The following PDZD2 variants were observed in gnomAD, a reference collection of about 807,000 sequenced individuals.
PDZD2 encodes the protein PDZ domain-containing protein 2.
Under a neutral mutation model 220.7 loss-of-function variants are expected in PDZD2, and 90 were observed. The ratio of observed to expected loss-of-function variants is 0.41; its 90% CI spans 0.34 to 0.49. The LOEUF (loss-of-function observed/expected upper bound fraction) is 0.49, where lower values mean the gene tolerates loss of function less well. Ranked by LOEUF, PDZD2 falls within the 20% of genes least tolerant of loss-of-function variation. The pLI is 0.28. For missense variants in PDZD2, 3,174 were observed against 3,608.5 expected, an observed-to-expected ratio of 0.88 and a Z score of 3.08; for synonymous variants, 1,375 against 1,450.5, an observed-to-expected ratio of 0.95 and a Z score of 1.18.
At chr5:31,993,828 G>C (rs1313836016) in intron 3 of PDZD2, among the ~76,000 whole-genome samples, 1 of 152,136 alleles carries the variant, frequency 6.6e-6, no homozygotes, top group South Asian at 2.1e-4. Context: ...AATCACTTTG[G>C]AAAGTTTTGC....
intron 1 of PDZD2, among the ~76,000 whole-genome samples, chr5:31,764,697 G>A (rs1019545900): frequency 4.6e-5 from 7 of 152,104 alleles, no homozygotes; most frequent in African/African-American, 9.7e-5. Flanking sequence ...TCCTCTTCCC[G>A]TTTTTCATCA....
intron 7 of PDZD2, among the ~76,000 whole-genome samples, chr5:32,043,124 G>A (rs2112262476): frequency 6.6e-6 from 1 of 152,280 alleles, no homozygotes; most frequent in South Asian, 2.1e-4. Context: ...CTCCGATCTG[G>A]GGCTTTATCA....
intron 2 of PDZD2, among the ~76,000 whole-genome samples, chr5:31,969,901 ATTTAT>A (rs1386617925): frequency 6.6e-6 from 1 of 151,674 alleles, no homozygotes; most frequent in East Asian, 1.9e-4. Flanking sequence ...TTATTTATTT[ATTTAT>A]TTATTTTTTG....
intron 19 of PDZD2, among the ~76,000 whole-genome samples, chr5:32,084,039 C>G (rs1260102645): frequency 1.3e-5 from 2 of 152,200 alleles, no homozygotes; most frequent in Non-Finnish European, 2.9e-5. Context: ...CTACTCCCCA[C>G]CACCACCCGC....
intron 1 of PDZD2, among the ~76,000 whole-genome samples, chr5:31,768,520 T>C (rs1461543369): frequency 6.6e-6 from 1 of 151,906 alleles, no homozygotes; most frequent in Non-Finnish European, 1.5e-5. Flanking sequence ...CACGTACCTG[T>C]AGTCCCAGCT....
At chr5:31,725,733 G>T in intron 1 of PDZD2, 3 of 893,932 alleles carry the variant, frequency 3.4e-6, no homozygotes, top group Non-Finnish European at 5.6e-6. Flanking sequence ...GGCCTGCAAC[G>T]TGATTTAGCC....
chr5:31,771,308 C>T (rs970825558), intron 1 of PDZD2, among the ~76,000 whole-genome samples: 1 of 152,146 alleles, frequency 6.6e-6, no homozygotes, highest in African/African-American at 2.4e-5. Context: ...TTATCTTGTG[C>T]ATGCTACCTG....
intron 2 of PDZD2, among the ~76,000 whole-genome samples, chr5:31,951,964 C>G (rs948847760): frequency 6.6e-6 from 1 of 152,156 alleles, no homozygotes; most frequent in African/African-American, 2.4e-5. Context: ...AGATTTTTGT[C>G]TATTTTGAAT....
chr5:31,918,527 A>T (rs1187800565), intron 2 of PDZD2, among the ~76,000 whole-genome samples: 1 of 152,208 alleles, frequency 6.6e-6, no homozygotes, highest in East Asian at 1.9e-4. Context: ...AGAAAAAGAC[A>T]CCTGGTGTTC....
At chr5:31,794,907 G>A (rs1319591869) in intron 1 of PDZD2, among the ~76,000 whole-genome samples, 2 of 152,242 alleles carry the variant, frequency 1.3e-5, no homozygotes, top group East Asian at 3.9e-4. Context: ...AGGACATCTG[G>A]AAGGGAGAGC....
intron 19 of PDZD2, among the ~76,000 whole-genome samples, chr5:32,080,123 C>T (rs750012616): frequency 2.4e-4 from 37 of 152,168 alleles, no homozygotes; most frequent in African/African-American, 5.1e-4. Flanking sequence ...CCAAGACGGA[C>T]GGATCACAAG....
intron 2 of PDZD2, among the ~76,000 whole-genome samples, chr5:31,861,359 C>T (rs1039645775): frequency 7.2e-5 from 11 of 152,164 alleles, no homozygotes; most frequent in Non-Finnish European, 1.3e-4. Flanking sequence ...ATTTATGCAT[C>T]GCTTATCTCC....
rs1409744817 is a variant in PDZD2 at position 32,088,598 on chromosome 5, A to C, written c.5150A>C (p.His1717Pro). 1 of 1,614,190 alleles carries C rather than the reference A, an allele frequency of 6.2e-7. No individual in the cohort carries two copies. Residue 1717 changes from histidine (H) to proline (P), a missense_variant, in exon 20 of 25, where the codon CAT becomes CCT. This residue lies in a region of PDZD2 where 1,861 missense variants were observed against 2,001.0 expected (regional missense o/e 0.93). Transcript: ENST00000438447. The surrounding 1 kb of genome is among the most constrained non-coding windows in gnomAD (Gnocchi z 4.6). ...AGTCCGCTGTCTAAAGTAGCCAGGC[A>C]TTTTCACAGTCCGCCCATCATTCTC... ...ENSPLSKVAR[H>P]FHSPPIILSS... is the part of the protein sequence containing the mutation.
chr5:31,653,583 G>C (rs1027168716), intron 1 of PDZD2, among the ~76,000 whole-genome samples: 1 of 152,138 alleles, frequency 6.6e-6, no homozygotes, highest in African/African-American at 2.4e-5. Context: ...TCTGATGAAA[G>C]CATCTTAAGA....
At chr5:31,880,791 C>CTTTTTTTTTT (rs1037018187) in intron 2 of PDZD2, among the ~76,000 whole-genome samples, 59 of 76,466 alleles carry the variant, frequency 7.7e-4, no homozygotes, top group East Asian at 1.4e-3. Flanking sequence ...TTTTTTTTTT[C>CTTTTTTTTTT]TTTTTTTTTT....
chr5:31,689,072 G>T (rs1442277758), intron 1 of PDZD2, among the ~76,000 whole-genome samples: 1 of 151,724 alleles, frequency 6.6e-6, no homozygotes, highest in East Asian at 1.9e-4. Flanking sequence ...CTTGTTTTTT[G>T]GGGGGTTTTT....
chr5:31,742,158 T>A (rs189391003), intron 1 of PDZD2: 1 of 152,336 alleles, frequency 6.6e-6, no homozygotes, highest in African/African-American at 2.4e-5. Context: ...TTCTAATCCT[T>A]CATGGATTCT....
chr5:31,676,906 G>T (rs976903640), intron 1 of PDZD2, among the ~76,000 whole-genome samples: 3 of 151,510 alleles, frequency 2.0e-5, no homozygotes, highest in Non-Finnish European at 4.4e-5. Context: ...CCCCAGAGGA[G>T]ATTTTTAAAA....
At chr5:31,934,986 G>T (rs1434375448) in intron 2 of PDZD2, among the ~76,000 whole-genome samples, 1 of 151,822 alleles carries the variant, frequency 6.6e-6, no homozygotes, top group Non-Finnish European at 1.5e-5. Flanking sequence ...ACTCCAGGAG[G>T]TTGAGGCAGG....
Sources: gnomAD v4.1 joint callset for allele counts (sites outside exome capture counted in the v4.1 genomes callset) on GRCh38, gnomAD v4.1.1 for gene constraint, gnomAD v4.1.1 regional missense constraint, Gnocchi (gnomAD v3.1) non-coding constraint, MANE v1.5 for transcripts, NCBI Gene and HGNC (gene_info 2026-07-23, HGNC 2026-07-21) for gene names.